PDE4D: variants seen among roughly 807,000 people sequenced by gnomAD.
The protein encoded by PDE4D is 3',5'-cyclic-AMP phosphodiesterase 4D.
A neutral mutation model predicts 87.4 loss-of-function variants in PDE4D; 24 were observed. That is an observed-to-expected ratio of 0.27 (90% CI 0.20 to 0.39). The LOEUF (loss-of-function observed/expected upper bound fraction) is 0.39. PDE4D is among the 10% of genes least tolerant of loss of function. The pLI is 1.00. For missense variants in PDE4D, 714 were observed against 1,041.0 expected (o/e 0.69, Z 4.32); for synonymous variants, 384 against 383.2 (o/e 1.00, Z -0.02).
intron 1 of PDE4D, among the ~76,000 whole-genome samples, chr5:59,577,442 A>G (rs1316100375): frequency 6.6e-6 from 1 of 152,168 alleles, no homozygotes; most frequent in African/African-American, 2.4e-5. Flanking sequence ...CTTTAATGGA[A>G]GAACAATTAT....
At chr5:60,163,093 GGAAA>G (rs573996141) in intron 2 of PDE4D, among the ~76,000 whole-genome samples, 251 of 152,070 alleles carry the variant, frequency 1.7e-3, no homozygotes, top group Non-Finnish European at 3.0e-3. Flanking sequence ...TCATTTTGAG[GGAAA>G]GAAAAAGAGG....
At chr5:59,621,062 TTTGTAAAAGTTCAA>T (rs200093627) in intron 1 of PDE4D, among the ~76,000 whole-genome samples, 6,626 of 152,104 alleles carry the variant, frequency 0.044, 209 homozygotes, top group African/African-American at 0.087. Flanking sequence ...CCCCACTTTC[TTTGTAAAAGTTCAA>T]TTGTAAAAGT....
chr5:59,353,374 T>C (rs1780838291), intron 1 of PDE4D, among the ~76,000 whole-genome samples: 1 of 144,318 alleles, frequency 6.9e-6, no homozygotes, highest in Non-Finnish European at 1.5e-5. Context: ...TTTTTTTTTT[T>C]AGGTACTATG....
chr5:59,881,424 G>A (rs1749416170), intron 1 of PDE4D, among the ~76,000 whole-genome samples: 1 of 151,982 alleles, frequency 6.6e-6, no homozygotes, highest in East Asian at 1.9e-4. Context: ...GCAATCCATG[G>A]TGCCACTTCT....
At chr5:59,195,188 T>C (rs1745184642) in intron 2 of PDE4D, among the ~76,000 whole-genome samples, 1 of 152,228 alleles carries the variant, frequency 6.6e-6, no homozygotes, top group African/African-American at 2.4e-5. Context: ...GTCTATGCTA[T>C]TCTGTTATAG....
intron 1 of PDE4D, among the ~76,000 whole-genome samples, chr5:59,233,718 G>A (rs27898): frequency 0.75 from 114,344 of 152,078 alleles, 43,487 homozygotes; most frequent in African/African-American, 0.88. Context: ...TATTTCTGGT[G>A]TAAGAAATAT....
At position 59,158,963 on chromosome 5, in the gene PDE4D, C is replaced by T. The variant is rs560493263; in HGVS notation, c.808+21632G>A. On this transcript the variant is annotated intron_variant, in intron 5 of 14. Transcript: ENST00000340635. ...TGGGATACTGGAAGCAATCCTAAAG[C>T]TCTGGAGTAGTTATCACCCATTAAC... Among the ~76,000 whole-genome samples the T allele has an allele frequency of 1.2e-4, 19 of 152,290 alleles. No individual in the cohort carries two copies. The South Asian group carries it at 3.9e-3, about 32-fold the overall frequency.
Position 60,324,110 on chromosome 5 carries a change from C to T in PDE4D, c.-89-138423G>A, listed in dbSNP as rs560317292. On this transcript the variant is annotated intron_variant, in intron 1 of 16. Coordinates refer to the PDE4D transcript ENST00000502484. Reference sequence around the variant, plus strand: ...AGGACCTCATCTGTTTCCTTTACCACTCTATCTCCAAGACTTAGCTTAGCA... The same window carrying T: ...AGGACCTCATCTGTTTCCTTTACCATTCTATCTCCAAGACTTAGCTTAGCA... Among the ~76,000 whole-genome samples, 52 of 152,300 alleles carry T rather than the reference C, an allele frequency of 3.4e-4. 1 individual carries two copies. The highest frequency in any genetic ancestry group is 2.3e-3 in the South Asian group (11 of 4,820).
At chr5:59,279,631 A>G (rs1765454631) in intron 1 of PDE4D, among the ~76,000 whole-genome samples, 1 of 152,140 alleles carries the variant, frequency 6.6e-6, no homozygotes, top group African/African-American at 2.4e-5. Context: ...CTACATGCTA[A>G]GTAGACTATA....
At chr5:60,035,714 T>A (rs1767720550) in intron 2 of PDE4D, among the ~76,000 whole-genome samples, 1 of 151,874 alleles carries the variant, frequency 6.6e-6, no homozygotes, top group Non-Finnish European at 1.5e-5. Flanking sequence ...ATAGGGAGAG[T>A]GCAACATTAT....
At chr5:59,211,877 T>G (rs1750163076) in intron 2 of PDE4D, among the ~76,000 whole-genome samples, 1 of 152,114 alleles carries the variant, frequency 6.6e-6, no homozygotes, top group South Asian at 2.1e-4. Context: ...TCTTCTCACT[T>G]TCCCAATAGA....
At chr5:59,051,400 C>A (rs544670623) in intron 5 of PDE4D, among the ~76,000 whole-genome samples, 2 of 152,190 alleles carry the variant, frequency 1.3e-5, no homozygotes, top group Non-Finnish European at 2.9e-5. Flanking sequence ...TTTTACAAGA[C>A]CACACCAAAT....
intron 2 of PDE4D, among the ~76,000 whole-genome samples, chr5:60,104,795 T>TCCAACA (rs1776683185): frequency 6.6e-6 from 1 of 152,182 alleles, no homozygotes; most frequent in Non-Finnish European, 1.5e-5. Flanking sequence ...GACCTGCAGC[T>TCCAACA]GAGGGTCCTG....
intron 1 of PDE4D, among the ~76,000 whole-genome samples, chr5:59,330,966 T>A (rs566720025): frequency 2.0e-5 from 3 of 152,244 alleles, no homozygotes; most frequent in African/African-American, 7.2e-5. Context: ...ACACTCATCA[T>A]TTTCTTTCAT....
At chr5:60,148,365 C>T (rs1373871230) in intron 2 of PDE4D, among the ~76,000 whole-genome samples, 1 of 152,064 alleles carries the variant, frequency 6.6e-6, no homozygotes, top group Non-Finnish European at 1.5e-5. Flanking sequence ...TAATAAAAAT[C>T]ATTGTTTATA....
At chr5:59,356,087 A>G (rs1562021420) in intron 1 of PDE4D, among the ~76,000 whole-genome samples, 1 of 152,204 alleles carries the variant, frequency 6.6e-6, no homozygotes, top group Non-Finnish European at 1.5e-5. Context: ...AGAATAATCA[A>G]TCTTCTCTTT....
At chr5:59,151,856 AGAG>A (rs1348190440) in intron 5 of PDE4D, among the ~76,000 whole-genome samples, 1 of 152,148 alleles carries the variant, frequency 6.6e-6, no homozygotes, top group African/African-American at 2.4e-5. Context: ...GGGAGAGAAA[AGAG>A]GAGATTTAGA....
intron 1 of PDE4D, among the ~76,000 whole-genome samples, chr5:60,431,873 C>G (rs1163381575): frequency 6.6e-6 from 1 of 152,228 alleles, no homozygotes; most frequent in Non-Finnish European, 1.5e-5. Context: ...GAGCTGGAGA[C>G]CAGCCCGGCC....
intron 5 of PDE4D, among the ~76,000 whole-genome samples, chr5:59,048,364 A>G (rs1761036548): frequency 6.6e-6 from 1 of 152,232 alleles, no homozygotes; most frequent in African/African-American, 2.4e-5. Context: ...AGGATATAAC[A>G]GTCTTTTGTT....
Sources: gnomAD v4.1 joint callset for allele counts (sites outside exome capture counted in the v4.1 genomes callset) on GRCh38, gnomAD v4.1.1 for gene constraint, MANE v1.5 for transcripts, NCBI Gene and HGNC (gene_info 2026-07-23, HGNC 2026-07-21) for gene names.